Variants in CLHC1 observed in about 807,000 individuals in gnomAD.
CLHC1 encodes clathrin heavy chain linker domain containing 1.
Under a neutral mutation model 69.5 loss-of-function variants are expected in CLHC1, and 72 were observed. The ratio of observed to expected loss-of-function variants is 1.04; its 90% CI spans 0.86 to 1.26. CLHC1 has a LOEUF of 1.26. Ranked by LOEUF, CLHC1 falls within the 50% of genes most tolerant of loss-of-function variation. The pLI is 0.00. For missense variants in CLHC1, 790 were observed against 679.3 expected (o/e 1.16, Z -1.81); for synonymous variants, 223 against 224.3 (o/e 0.99, Z 0.05).
chr2:55,181,063 C>T (rs1350284217), intron 10 of CLHC1, among the ~76,000 whole-genome samples: 1 of 152,128 alleles, frequency 6.6e-6, no homozygotes, highest in African/African-American at 2.4e-5. Context: ...TCACTGAAAC[C>T]TCTGCCTCCC....
intron 9 of CLHC1, among the ~76,000 whole-genome samples, chr2:55,182,654 A>G (rs1670037743): frequency 6.6e-6 from 1 of 152,216 alleles, no homozygotes; most frequent in Non-Finnish European, 1.5e-5. Context: ...AAAAGACCAG[A>G]GCCTGATATT....
intron 9 of CLHC1, among the ~76,000 whole-genome samples, chr2:55,190,400 G>A (rs920044961): frequency 6.6e-6 from 1 of 151,830 alleles, no homozygotes; most frequent in African/African-American, 2.4e-5. Flanking sequence ...AAAAAAGCAA[G>A]AAAATATTAC....
chr2:55,192,179 G>C (rs2103789440), intron 9 of CLHC1, among the ~76,000 whole-genome samples: 1 of 152,226 alleles, frequency 6.6e-6, no homozygotes, highest in Non-Finnish European at 1.5e-5. Context: ...GAGTGCAGTA[G>C]TGTGATCTTG....
chr2:55,206,228 T>C (rs1165840993), intron 9 of CLHC1, 42 bp downstream of exon 9: 1 of 1,170,890 alleles, frequency 8.5e-7, no homozygotes, highest in Admixed American at 2.0e-5. Flanking sequence ...GAAAAAGTAG[T>C]AAATTTTCAT....
At chr2:55,179,612 T>C (rs184964889) in intron 11 of CLHC1, among the ~76,000 whole-genome samples, 3 of 152,202 alleles carry the variant, frequency 2.0e-5, no homozygotes, top group Admixed American at 6.5e-5. Flanking sequence ...CTGGGATACA[T>C]AGCCTGCAAA....
Position 55,182,666 on chromosome 2 carries a change from G to A in CLHC1, c.1007-922C>T, listed in dbSNP as rs1029191180. Among the ~76,000 whole-genome samples the A allele has an allele frequency of 6.6e-5, 10 of 152,286 alleles. No homozygotes were observed. In the East Asian group the frequency reaches 1.9e-3, roughly 29 times the overall value. The stretch of plus-strand genomic sequence containing the variant: ...ACAAAAAGACCAGAGCCTGATATTT[G>A]CCTGGAAAGTTTAAAGGTGAAAGGC... On this transcript the variant is annotated intron_variant, in intron 9 of 12. Transcript: ENST00000401408.
intron 11 of CLHC1, among the ~76,000 whole-genome samples, chr2:55,179,284 C>T (rs1376507107): frequency 6.6e-6 from 1 of 151,960 alleles, no homozygotes; most frequent in African/African-American, 2.4e-5. Flanking sequence ...CTAGCTGTGC[C>T]TCAGCCTCTC....
chr2:55,182,355 A>T (rs1670013332), intron 9 of CLHC1, among the ~76,000 whole-genome samples: 1 of 152,202 alleles, frequency 6.6e-6, no homozygotes, highest in African/African-American at 2.4e-5. Context: ...TGAAATTTAC[A>T]TGTAGATTCA....
chr2:55,201,257 T>C (rs756792855), intron 9 of CLHC1, among the ~76,000 whole-genome samples: 2 of 146,698 alleles, frequency 1.4e-5, no homozygotes, highest in African/African-American at 5.0e-5. Flanking sequence ...AAAAAAAAAT[T>C]GACAAATCCT....
At chr2:55,206,540 T>C (rs1672466960) in intron 8 of CLHC1, among the ~76,000 whole-genome samples, 164 bp from the exon 9 acceptor site, 1 of 152,208 alleles carries the variant, frequency 6.6e-6, no homozygotes, top group South Asian at 2.1e-4. Context: ...TGTAAGATGT[T>C]CCTTGAAATC....
intron 3 of CLHC1, among the ~76,000 whole-genome samples, chr2:55,218,779 T>C (rs1237434441): frequency 2.0e-5 from 3 of 152,196 alleles, no homozygotes; most frequent in Non-Finnish European, 4.4e-5. Flanking sequence ...AAGTTATAAA[T>C]AATGTATGGT....
chr2:55,220,025 A>C (rs966680911), intron 3 of CLHC1, among the ~76,000 whole-genome samples: 1 of 152,108 alleles, frequency 6.6e-6, no homozygotes, highest in African/African-American at 2.4e-5. Flanking sequence ...ATGAGCTACT[A>C]CACCTAGCCC....
chr2:55,188,262 G>A (rs1016953142), intron 9 of CLHC1, among the ~76,000 whole-genome samples: 2 of 152,128 alleles, frequency 1.3e-5, no homozygotes, highest in East Asian at 1.9e-4. Context: ...GCTGCAGTGA[G>A]CCATGTTTGT....
intron 4 of CLHC1, chr2:55,216,132 A>G (rs1175513321): frequency 6.6e-6 from 1 of 150,872 alleles, no homozygotes; most frequent in African/African-American, 2.4e-5. Context: ...AAAAAAAAAA[A>G]AAAATTAGCC....
rs779093513 is a variant in CLHC1 at position 55,208,690 on chromosome 2, C to G, written c.835G>C (p.Glu279Gln). 1.9e-6 allele frequency: 3 copies of G among 1,610,600 alleles called. No individual in the cohort carries two copies. The highest frequency in any genetic ancestry group is 1.7e-6 in the Non-Finnish European group (2 of 1,176,986). Reference protein sequence around the residue: ...YLQGDQGIVEELMEDDPRRAK... With the variant: ...YLQGDQGIVEQLMEDDPRRAK... ...CTGCGTGGATCATCTTCCATTAGTT[C>G]TTCAACAATGCCTTGGTCACCTGTA... Residue 279 changes from glutamate (E) to glutamine (Q), a missense_variant, in exon 8 of 13, where the codon GAA becomes CAA. Glu to Gln is a conservative substitution (Grantham distance 29). Transcript: ENST00000401408.
chr2:55,208,504 T>C, intron 8 of CLHC1, 122 bp downstream of exon 8: 1 of 625,074 alleles, frequency 1.6e-6, no homozygotes, highest in East Asian at 2.8e-5. Context: ...ATAAAACATA[T>C]CAACATTATA....
intron 2 of CLHC1, among the ~76,000 whole-genome samples, chr2:55,226,757 G>A (rs1343844517): frequency 1.3e-5 from 2 of 152,188 alleles, no homozygotes; most frequent in Non-Finnish European, 2.9e-5. Flanking sequence ...TTAGCCTCCC[G>A]AGTAGCTGAA....
At chr2:55,182,862 G>A (rs568909357) in intron 9 of CLHC1, among the ~76,000 whole-genome samples, 1 of 151,988 alleles carries the variant, frequency 6.6e-6, no homozygotes, top group South Asian at 2.1e-4. Context: ...AGAGTCTTTG[G>A]GGGTACACAC....
intron 8 of CLHC1, chr2:55,206,888 C>T (rs1672497779): frequency 6.5e-6 from 1 of 152,714 alleles, no homozygotes; most frequent in Non-Finnish European, 1.4e-5. Flanking sequence ...TGGGGGATCA[C>T]GAGGTCAGGA....
Sources: allele counts gnomAD v4.1 joint callset (sites outside exome capture counted in the v4.1 genomes callset), GRCh38; gene constraint gnomAD v4.1.1; transcripts MANE v1.5; gene names NCBI Gene and HGNC (gene_info 2026-07-23, HGNC 2026-07-21).